ARHGAP24: variants seen among roughly 807,000 people sequenced by gnomAD.
ARHGAP24 encodes Rho GTPase activating protein 24.
Under a neutral mutation model 76.4 loss-of-function variants are expected in ARHGAP24, and 50 were observed. The observed-to-expected ratio is 0.65, with a 90% CI of 0.52 to 0.83. The LOEUF is 0.83. ARHGAP24 is among the 40% of genes least tolerant of loss of function. The pLI is 0.00. For missense variants in ARHGAP24, 930 were observed against 914.2 expected, an observed-to-expected ratio of 1.02 and a Z score of -0.22; for synonymous variants, 345 against 323.3, an observed-to-expected ratio of 1.07 and a Z score of -0.72.
intron 1 of ARHGAP24, among the ~76,000 whole-genome samples, chr4:85,506,845 C>A (rs563461591): frequency 2.0e-5 from 3 of 152,162 alleles, no homozygotes; most frequent in African/African-American, 7.2e-5. Context: ...CTGGGAGCTG[C>A]AGACTGGAGC....
chr4:85,919,706 C>G (rs982286821), intron 3 of ARHGAP24, among the ~76,000 whole-genome samples: 1 of 152,146 alleles, frequency 6.6e-6, no homozygotes, highest in Non-Finnish European at 1.5e-5. Flanking sequence ...ATTCTTTTTC[C>G]TCTGCTTTCA....
At position 85,497,780 on chromosome 4, in the gene ARHGAP24, A is replaced by G. The variant is rs79216144; in HGVS notation, c.-21+22221A>G. On this transcript the variant is annotated intron_variant, in intron 1 of 9. Coordinates refer to ENST00000395184, the MANE Select transcript of ARHGAP24 (RefSeq NM_001025616.3). ...GGTTGCGGTGAGCCAAGATCGTGCC[A>G]TTGCACTCCAGTCTGGGTGACAAGA... is the stretch of plus-strand genomic sequence containing the variant. 1.2e-4 allele frequency among the ~76,000 whole-genome samples: 19 copies of G among 152,256 alleles called. 1 individual carries two copies. The East Asian group carries it at 3.3e-3, about 26-fold the overall frequency.
At chr4:85,724,514 TATATATATATATATAG>T (rs1488988192) in intron 3 of ARHGAP24, among the ~76,000 whole-genome samples, 2,280 of 108,144 alleles carry the variant, frequency 0.021, 53 homozygotes, top group African/African-American at 0.056. Context: ...TATATATATA[TATATATATATATATAG>T]GAATTTTTAT....
At chr4:85,929,904 C>T (rs1017363429) in intron 4 of ARHGAP24, among the ~76,000 whole-genome samples, 1 of 152,164 alleles carries the variant, frequency 6.6e-6, no homozygotes, top group African/African-American at 2.4e-5. Flanking sequence ...GTTTGGTGCC[C>T]TGTGATTTCT....
intron 5 of ARHGAP24, among the ~76,000 whole-genome samples, chr4:85,944,418 TG>T (rs1259291744): frequency 6.6e-6 from 1 of 152,202 alleles, no homozygotes; most frequent in African/African-American, 2.4e-5. Context: ...TTGATGTGGT[TG>T]TTTGTTTCTT....
chr4:85,874,139 A>G (rs890606074), intron 3 of ARHGAP24, among the ~76,000 whole-genome samples: 2 of 152,184 alleles, frequency 1.3e-5, no homozygotes, highest in African/African-American at 4.8e-5. Context: ...GAACAAAAAC[A>G]ACGATAACAA....
intron 2 of ARHGAP24, among the ~76,000 whole-genome samples, chr4:85,677,868 C>G (rs1312071055): frequency 6.6e-6 from 1 of 152,058 alleles, no homozygotes; most frequent in Non-Finnish European, 1.5e-5. Context: ...AAAAACATAG[C>G]AAGACCCTAT....
At chr4:85,707,926 A>G (rs1724379483) in intron 2 of ARHGAP24, among the ~76,000 whole-genome samples, 1 of 152,126 alleles carries the variant, frequency 6.6e-6, no homozygotes. Context: ...AGGAAATGAT[A>G]GGCTTCTTTT....
At position 85,485,405 on chromosome 4, in the gene ARHGAP24, ATATATATATC is replaced by A. The variant is rs1342825765; in HGVS notation, c.-21+9848_-21+9857del. Among the ~76,000 whole-genome samples the A allele has an allele frequency of 8.3e-4, 91 of 108,994 alleles. 1 individual carries two copies. The highest frequency in any genetic ancestry group is 5.3e-3 in the Middle Eastern group (1 of 190). The allele number at this position is 108,994 out of a possible 152,430, so 71.5% of individuals were successfully genotyped here. A position where few individuals can be genotyped will look rare whatever the true frequency, so the allele number is the denominator to read the frequency against. On this transcript the variant is annotated intron_variant, in intron 1 of 9. Coordinates refer to ENST00000395184, the MANE Select transcript of ARHGAP24 (RefSeq NM_001025616.3). ...TATATATATATATATATATATATAT[ATATATATATC>A]TCCTTGGATTTTTAAAATGTAGGCT...
intron 3 of ARHGAP24, among the ~76,000 whole-genome samples, chr4:85,739,233 G>C (rs960406383): frequency 6.6e-6 from 1 of 152,112 alleles, no homozygotes; most frequent in Non-Finnish European, 1.5e-5. Flanking sequence ...TTTGTAATTT[G>C]AGTCTACCCA....
intron 3 of ARHGAP24, among the ~76,000 whole-genome samples, chr4:85,741,423 C>T (rs1453222972): frequency 3.9e-5 from 6 of 152,188 alleles, no homozygotes; most frequent in Admixed American, 1.3e-4. Flanking sequence ...TCAGAAATAT[C>T]TCTAAAAGCA....
intron 2 of ARHGAP24, among the ~76,000 whole-genome samples, chr4:85,681,224 A>G (rs972423921): frequency 1.3e-5 from 2 of 152,198 alleles, no homozygotes; most frequent in Non-Finnish European, 2.9e-5. Context: ...CTATTGCATT[A>G]TAAGAAGCCA....
At chr4:85,997,257 G>A (rs1740715081) in intron 9 of ARHGAP24, among the ~76,000 whole-genome samples, 1 of 152,076 alleles carries the variant, frequency 6.6e-6, no homozygotes, top group African/African-American at 2.4e-5. Flanking sequence ...AAGGTAGATG[G>A]ATGGATAGAT....
At chr4:85,663,810 CT>C (rs1237056036) in intron 2 of ARHGAP24, among the ~76,000 whole-genome samples, 6 of 151,530 alleles carry the variant, frequency 4.0e-5, no homozygotes, top group African/African-American at 1.2e-4. Flanking sequence ...TGTTTATATG[CT>C]GGATTACATT....
intron 2 of ARHGAP24, among the ~76,000 whole-genome samples, chr4:85,718,774 A>G (rs1222074471): frequency 6.6e-6 from 1 of 152,208 alleles, no homozygotes; most frequent in African/African-American, 2.4e-5. Flanking sequence ...TATAATGTCA[A>G]ATAAGAAAAT....
intron 9 of ARHGAP24, among the ~76,000 whole-genome samples, chr4:85,996,047 G>A (rs933504823): frequency 9.9e-5 from 15 of 152,170 alleles, no homozygotes; most frequent in African/African-American, 3.6e-4. Context: ...ACAAGAAAAG[G>A]ATGAAACTAG....
chr4:85,794,206 ACAG>A (rs1728248428), intron 3 of ARHGAP24, among the ~76,000 whole-genome samples: 1 of 152,218 alleles, frequency 6.6e-6, no homozygotes, highest in South Asian at 2.1e-4. Flanking sequence ...GTAGTTTCCA[ACAG>A]CCGAATGGGG....
chr4:85,908,275 T>G (rs2148796754), intron 3 of ARHGAP24, among the ~76,000 whole-genome samples: 1 of 152,356 alleles, frequency 6.6e-6, no homozygotes, highest in Middle Eastern at 3.4e-3. Context: ...TGCACCTGAC[T>G]CTGCTCAGTT....
intron 3 of ARHGAP24, among the ~76,000 whole-genome samples, chr4:85,857,831 G>A (rs1731674631): frequency 6.6e-6 from 1 of 152,092 alleles, no homozygotes; most frequent in Non-Finnish European, 1.5e-5. Context: ...AGTGAGCATG[G>A]TAGACTGCTT....
Sources: allele counts gnomAD v4.1 joint callset (sites outside exome capture counted in the v4.1 genomes callset), GRCh38; gene constraint gnomAD v4.1.1; transcripts MANE v1.5; gene names NCBI Gene and HGNC (gene_info 2026-07-23, HGNC 2026-07-21).